ARHGAP28: variants seen among roughly 807,000 people sequenced by gnomAD.
The protein encoded by ARHGAP28 is Rho GTPase activating protein 28.
In ARHGAP28, 56 loss-of-function variants were observed where a neutral mutation model predicts 90.7. The observed-to-expected ratio is 0.62, with a 90% CI of 0.50 to 0.77. The LOEUF is 0.77. Ranked by LOEUF, ARHGAP28 falls within the 30% of genes least tolerant of loss-of-function variation. ARHGAP28 has a pLI of 0.00. For missense variants in ARHGAP28, 869 were observed against 900.9 expected (o/e 0.96, Z 0.45); for synonymous variants, 308 against 323.3 (o/e 0.95, Z 0.51).
chr18:6,884,726 AT>A (rs1170614817), intron 11 of ARHGAP28, among the ~76,000 whole-genome samples: 1 of 152,054 alleles, frequency 6.6e-6, no homozygotes, highest in Non-Finnish European at 1.5e-5. Flanking sequence ...TCAGCCAGAG[AT>A]TTGGGTGAAG....
At chr18:6,841,202 T>TCTCTCC (rs1567966823) in intron 3 of ARHGAP28, among the ~76,000 whole-genome samples, 5 of 47,370 alleles carry the variant, frequency 1.1e-4, no homozygotes, top group African/African-American at 1.1e-4. Flanking sequence ...TCTCTCTCTC[T>TCTCTCC]CCTCTCCTCT....
chr18:6,745,375 C>T (rs2056014052), intron 1 of ARHGAP28, among the ~76,000 whole-genome samples: 1 of 152,068 alleles, frequency 6.6e-6, no homozygotes, highest in African/African-American at 2.4e-5. Flanking sequence ...ATCTTCTTAT[C>T]CATTACCATG....
At position 6,777,189 on chromosome 18, in the gene ARHGAP28, T is replaced by C. The variant is rs192232639; in HGVS notation, c.122+47246T>C. Among the ~76,000 whole-genome samples, 101 of 152,096 alleles carry C rather than the reference T, an allele frequency of 6.6e-4. 1 individual carries two copies. The highest frequency in any genetic ancestry group is 2.3e-3 in the African/African-American group (95 of 41,504). ...CTTGAACACTGGGTGTACAGCAAAA[T>C]AGAAAAAGATGTATTTGAGAGATAT... On this transcript the variant is annotated intron_variant, in intron 1 of 17. Transcript: ENST00000383472.
At chr18:6,831,471 G>GTTTTTTTTTTTTTTTTTTTTTT (rs57331018) in intron 2 of ARHGAP28, among the ~76,000 whole-genome samples, 34 of 109,310 alleles carry the variant, frequency 3.1e-4, no homozygotes, top group East Asian at 5.4e-4. Context: ...GTATCTTGAT[G>GTTTTTTTTTTTTTTTTTTTTTT]TTTTTTTTTT....
chr18:6,769,459 A>G (rs1189134963), intron 1 of ARHGAP28, among the ~76,000 whole-genome samples: 3 of 152,176 alleles, frequency 2.0e-5, no homozygotes, highest in African/African-American at 7.2e-5. Context: ...TTTCTTTTGC[A>G]TCAATGCTAT....
Position 6,874,377 on chromosome 18 carries a change from T to C in ARHGAP28, c.1212+602T>C, listed in dbSNP as rs2057114991. ...GTGGAAGGAGGTTTCGAAAATGATA[T>C]TATCTGAACTATAAAATGCTAATAT... On this transcript the variant is annotated intron_variant, in intron 9 of 17. Coordinates refer to ENST00000383472, the MANE Select transcript of ARHGAP28 (RefSeq NM_001366230.1). Among the ~76,000 whole-genome samples, 5 of 152,326 alleles carry C rather than the reference T, an allele frequency of 3.3e-5. No individual in the cohort carries two copies. The South Asian group carries it at 1.0e-3, about 32-fold the overall frequency.
intron 2 of ARHGAP28, among the ~76,000 whole-genome samples, chr18:6,834,905 T>C (rs2056741964): frequency 6.6e-6 from 1 of 152,172 alleles, no homozygotes; most frequent in Admixed American, 6.5e-5. Flanking sequence ...GGCCTAGAAT[T>C]GGGAGTGAGA....
intron 16 of ARHGAP28, among the ~76,000 whole-genome samples, chr18:6,901,605 T>A (rs886243756): frequency 2.9e-4 from 44 of 149,878 alleles, no homozygotes; most frequent in African/African-American, 1.1e-3. Flanking sequence ...ATAATTCCAA[T>A]CTAAACATGA....
intron 1 of ARHGAP28, among the ~76,000 whole-genome samples, chr18:6,777,876 A>G (rs1228160994): frequency 6.6e-6 from 1 of 152,066 alleles, no homozygotes. Flanking sequence ...GTATGAAGGA[A>G]AACACCCAAG....
chr18:6,817,158 A>C (rs894789313), intron 1 of ARHGAP28, among the ~76,000 whole-genome samples: 3 of 151,880 alleles, frequency 2.0e-5, no homozygotes, highest in Non-Finnish European at 2.9e-5. Flanking sequence ...TACTAAAAAA[A>C]CAAAAATTAG....
chr18:6,745,908 C>G (rs2056019409), intron 1 of ARHGAP28, among the ~76,000 whole-genome samples: 1 of 152,170 alleles, frequency 6.6e-6, no homozygotes, highest in African/African-American at 2.4e-5. Context: ...GGCAAGGAAG[C>G]AGGTTTAGAG....
chr18:6,827,613 A>G (rs1217730981), intron 2 of ARHGAP28, among the ~76,000 whole-genome samples: 1 of 127,502 alleles, frequency 7.8e-6, no homozygotes, highest in African/African-American at 3.1e-5. Flanking sequence ...TCCCTCCGAG[A>G]CGGGGCGGCT....
chr18:6,881,597 G>C (rs1271395435), intron 10 of ARHGAP28, among the ~76,000 whole-genome samples: 1 of 152,192 alleles, frequency 6.6e-6, no homozygotes, highest in South Asian at 2.1e-4. Flanking sequence ...GCATGTGTCT[G>C]TCTTGGAATA....
At chr18:6,873,864 T>C (rs1439441542) in intron 9 of ARHGAP28, 89 bp downstream of exon 9, 2 of 1,145,224 alleles carry the variant, frequency 1.7e-6, no homozygotes, top group Non-Finnish European at 2.6e-6. Flanking sequence ...TTTTCTTTTA[T>C]ATTTAAAGAC....
Position 6,913,780 on chromosome 18 carries a change from G to C in ARHGAP28, c.*1626G>C, listed in dbSNP as rs914346183. ...CCCATTAAAAGAAAACGTGCCTTCTGTATAAGTTTATGTTTATTCCTACAT... is the reference window on the plus strand; with the variant it reads ...CCCATTAAAAGAAAACGTGCCTTCTCTATAAGTTTATGTTTATTCCTACAT... On this transcript the variant is annotated 3_prime_UTR_variant, in exon 18 of 18. Transcript: ENST00000383472. 6.6e-6 allele frequency: 1 copy of C among 151,106 alleles called. No homozygotes were observed. The highest frequency in any genetic ancestry group is 1.5e-5 in the Non-Finnish European group (1 of 67,900). The allele number at this position is 151,106 out of a possible 1,614,324, so 9.4% of individuals were successfully genotyped here. A position where few individuals can be genotyped will look rare whatever the true frequency, so the allele number is the denominator to read the frequency against.
chr18:6,786,621 A>G (rs1415792939), intron 1 of ARHGAP28, among the ~76,000 whole-genome samples: 3 of 152,156 alleles, frequency 2.0e-5, no homozygotes, highest in Non-Finnish European at 4.4e-5. Context: ...TGTCCTTGCT[A>G]TTGATAGGTG....
chr18:6,880,060 G>A (rs1321865321), intron 10 of ARHGAP28, among the ~76,000 whole-genome samples: 5 of 152,092 alleles, frequency 3.3e-5, no homozygotes, highest in Admixed American at 2.0e-4. Flanking sequence ...TTCTCCTCTC[G>A]CTGGTGCTTC....
At chr18:6,876,919 A>G (rs2057135651) in intron 10 of ARHGAP28, among the ~76,000 whole-genome samples, 1 of 152,188 alleles carries the variant, frequency 6.6e-6, no homozygotes, top group South Asian at 2.1e-4. Context: ...AAATCCAGCA[A>G]AACATCCCAC....
intron 1 of ARHGAP28, among the ~76,000 whole-genome samples, chr18:6,815,724 A>G (rs2056585902): frequency 6.6e-6 from 1 of 152,188 alleles, no homozygotes; most frequent in African/African-American, 2.4e-5. Flanking sequence ...GCATACCTCA[A>G]TATATTGTGG....
Sources: gnomAD v4.1 joint callset for allele counts (sites outside exome capture counted in the v4.1 genomes callset) on GRCh38, gnomAD v4.1.1 for gene constraint, MANE v1.5 for transcripts, NCBI Gene and HGNC (gene_info 2026-07-23, HGNC 2026-07-21) for gene names.